COG5: variants seen among roughly 807,000 people sequenced by gnomAD.
COG5 encodes the protein conserved oligomeric Golgi complex subunit 5.
Under a neutral mutation model 110.4 loss-of-function variants are expected in COG5, and 86 were observed. The ratio of observed to expected loss-of-function variants is 0.78; its 90% confidence interval spans 0.65 to 0.93. The LOEUF (loss-of-function observed/expected upper bound fraction) is 0.93. Among genes scored for constraint, COG5 ranks in the 40% least tolerant of loss-of-function variants. The probability of loss-of-function intolerance (pLI) is 0.00; values close to 1 mark genes in which losing one functional copy is unlikely to be tolerated. For synonymous variants in COG5, 360 were observed against 334.6 expected (o/e 1.08, Z -0.83); for missense variants, 1,077 against 987.0 (o/e 1.09, Z -1.22).
At chr7:107,326,816 C>G (rs1809807414) in intron 10 of COG5, among the ~76,000 whole-genome samples, 5 of 152,030 alleles carry the variant, frequency 3.3e-5, no homozygotes, top group Non-Finnish European at 7.4e-5. Flanking sequence ...TCCCAAATAT[C>G]CAAATATCTT....
chr7:107,365,596 C>CAAAAAA lies in COG5; in HGVS notation c.836-3182_836-3177dup, dbSNP rs71134263. On this transcript the variant is annotated intron_variant, in intron 8 of 21. Coordinates refer to ENST00000297135, the MANE Select transcript of COG5 (RefSeq NM_006348.5). ...GGGAATGTTCAACATTGCAAAATGA[C>CAAAAAA]AAAAAAAAAAAAAAAAAAAAAAAAA... 4.2e-3 allele frequency among the ~76,000 whole-genome samples: 154 copies of CAAAAAA among 36,722 alleles called. 5 individuals are homozygous for CAAAAAA. The highest frequency in any genetic ancestry group is 7.9e-3 in the East Asian group (6 of 762). The allele number at this position is 36,722 out of a possible 152,430, so 24.1% of individuals were successfully genotyped here. A position where few individuals can be genotyped will look rare whatever the true frequency, so the allele number is the denominator to read the frequency against.
At chr7:107,286,733 C>T (rs1447707666) in intron 12 of COG5, among the ~76,000 whole-genome samples, 2 of 152,130 alleles carry the variant, frequency 1.3e-5, no homozygotes, top group East Asian at 1.9e-4. Context: ...CCTCTTACAA[C>T]TTCATCTATT....
intron 11 of COG5, 54 bp downstream of exon 11, chr7:107,324,386 G>A (rs1584678612): frequency 8.6e-7 from 1 of 1,169,544 alleles, no homozygotes; most frequent in East Asian, 2.4e-5. Flanking sequence ...GACATCAAAT[G>A]ATAAAATAAC....
chr7:107,246,568 A>G lies in COG5; in HGVS notation c.1853+1828T>C, dbSNP rs569427929. On this transcript the variant is annotated intron_variant, in intron 17 of 21. Transcript: ENST00000297135. ...AGGTGGGCAAAAGACATGAACAGAC[A>G]CTTCTCAAAAGAAGACGAAGACATA... Among the ~76,000 whole-genome samples the G allele has an allele frequency of 5.3e-5, 8 of 152,326 alleles. No homozygotes were observed. In the South Asian group the frequency reaches 1.7e-3, roughly 32 times the overall value.
intron 19 of COG5, among the ~76,000 whole-genome samples, chr7:107,217,169 CAAG>C (rs1233417234): frequency 3.3e-5 from 5 of 151,844 alleles, no homozygotes; most frequent in African/African-American, 1.2e-4. Context: ...AACACTGAAT[CAAG>C]AAGAAATAGA....
At chr7:107,352,516 A>G (rs983208077) in intron 10 of COG5, among the ~76,000 whole-genome samples, 17 of 135,332 alleles carry the variant, frequency 1.3e-4, no homozygotes, top group African/African-American at 4.5e-4. Context: ...AAAAAAAAAC[A>G]AAAAAAAAAC....
intron 6 of COG5, among the ~76,000 whole-genome samples, chr7:107,430,904 C>T (rs2129079672): frequency 6.6e-6 from 1 of 152,030 alleles, no homozygotes; most frequent in Admixed American, 6.6e-5. Context: ...GATTTGATTA[C>T]AGAAGAAGGC....
At chr7:107,488,856 A>T (rs746269584) in intron 6 of COG5, among the ~76,000 whole-genome samples, 1 of 152,052 alleles carries the variant, frequency 6.6e-6, no homozygotes, top group African/African-American at 2.4e-5. Context: ...CAAAATATTA[A>T]TAAAAAATTA....
intron 10 of COG5, among the ~76,000 whole-genome samples, chr7:107,352,781 G>C (rs944570153): frequency 2.0e-5 from 3 of 152,140 alleles, no homozygotes; most frequent in Admixed American, 6.5e-5. Flanking sequence ...TCCAAATTTA[G>C]TTTAATGCAT....
chr7:107,213,643 C>G (rs541136232), intron 19 of COG5, among the ~76,000 whole-genome samples: 52 of 152,184 alleles, frequency 3.4e-4, no homozygotes, highest in African/African-American at 1.2e-3. Context: ...AGCCAGCAGC[C>G]GCATCCAAAC....
intron 6 of COG5, among the ~76,000 whole-genome samples, chr7:107,505,460 G>C (rs1798925706): frequency 6.6e-6 from 1 of 152,144 alleles, no homozygotes; most frequent in South Asian, 2.1e-4. Context: ...TCCTGCACTT[G>C]GAAAGTGCTC....
intron 6 of COG5, among the ~76,000 whole-genome samples, chr7:107,457,609 T>G (rs1795746007): frequency 6.6e-6 from 1 of 151,816 alleles, no homozygotes; most frequent in Non-Finnish European, 1.5e-5. Context: ...TTTGTATTTT[T>G]CAGTAGAGAC....
At chr7:107,523,889 T>C (rs10244294) in intron 6 of COG5, among the ~76,000 whole-genome samples, 151,887 of 152,324 alleles carry the variant, frequency 1, 75,727 homozygotes, top group Middle Eastern at 1. Flanking sequence ...TTTTAAAAAG[T>C]TAAACATATA....
chr7:107,291,615 TTC>T (rs1327914561), intron 12 of COG5, among the ~76,000 whole-genome samples: 1 of 152,208 alleles, frequency 6.6e-6, no homozygotes, highest in East Asian at 1.9e-4. Flanking sequence ...CTCATTTTTT[TTC>T]TGACCACACC....
chr7:107,507,394 C>A (rs1799100654), intron 6 of COG5, among the ~76,000 whole-genome samples: 1 of 150,186 alleles, frequency 6.7e-6, no homozygotes, highest in Admixed American at 6.6e-5. Context: ...CCCGGGTTCA[C>A]ACCATTCTCC....
intron 7 of COG5, among the ~76,000 whole-genome samples, chr7:107,384,248 G>C (rs1458172570): frequency 6.6e-6 from 1 of 152,080 alleles, no homozygotes; most frequent in East Asian, 1.9e-4. Flanking sequence ...TCAGCAAGAG[G>C]CAGTTAAGAT....
chr7:107,418,106 A>G (rs2129071293), intron 6 of COG5, among the ~76,000 whole-genome samples: 1 of 152,214 alleles, frequency 6.6e-6, no homozygotes, highest in South Asian at 2.1e-4. Flanking sequence ...AAAATATAAA[A>G]TTGTGGTTTA....
intron 17 of COG5, among the ~76,000 whole-genome samples, chr7:107,242,063 TAAGCC>T (rs1801685658): frequency 2.0e-5 from 3 of 152,178 alleles, no homozygotes; most frequent in African/African-American, 7.2e-5. Flanking sequence ...ATTACAGGCA[TAAGCC>T]ACTGTGCCCA....
intron 10 of COG5, among the ~76,000 whole-genome samples, chr7:107,324,761 G>C (rs1809617480): frequency 6.6e-6 from 1 of 152,088 alleles, no homozygotes; most frequent in African/African-American, 2.4e-5. Context: ...GTGTAACCTT[G>C]GGCATGTTGC....
Sources: gnomAD v4.1 joint callset for allele counts (sites outside exome capture counted in the v4.1 genomes callset) on GRCh38, gnomAD v4.1.1 for gene constraint, MANE v1.5 for transcripts, NCBI Gene and HGNC (gene_info 2026-07-23, HGNC 2026-07-21) for gene names.